Variants in ERP44 observed in about 807,000 individuals in gnomAD.
The protein encoded by ERP44 is endoplasmic reticulum protein 44, also known as endoplasmic reticulum resident protein 44.
In ERP44, 25 loss-of-function variants were observed where a neutral mutation model predicts 53.4. The observed-to-expected ratio is 0.47, with a 90% CI of 0.34 to 0.65. ERP44 has a LOEUF of 0.65. ERP44 is among the 30% of genes least tolerant of loss of function. The probability of loss-of-function intolerance (pLI) is 0.01; values close to 1 mark genes in which losing one functional copy is unlikely to be tolerated. For missense variants in ERP44, 338 were observed against 493.2 expected (o/e 0.69, Z 2.98); for synonymous variants, 145 against 161.2 (o/e 0.90, Z 0.76).
Position 100,098,962 on chromosome 9 carries a change from G to T in ERP44, c.-122C>A. 1 of 747,152 alleles carries T rather than the reference G, an allele frequency of 1.3e-6. No homozygotes were observed. Among genetic ancestry groups the T allele is most frequent in the East Asian group, 2.7e-5 (1 of 36,692 alleles). The allele number at this position is 747,152 out of a possible 1,614,324, so 46.3% of individuals were successfully genotyped here. A position where few individuals can be genotyped will look rare whatever the true frequency, so the allele number is the denominator to read the frequency against. On this transcript the variant is annotated 5_prime_UTR_variant, in exon 1 of 12. Coordinates refer to ENST00000262455, the MANE Select transcript of ERP44 (RefSeq NM_015051.3). ...GCAGCGGAGGATTCTCCAGGCAGCG[G>T]CACCTCGTCCTCTCGACCCGGGCTC...
chr9:100,010,527 A>C (rs1830464851), intron 8 of ERP44, among the ~76,000 whole-genome samples: 2 of 152,214 alleles, frequency 1.3e-5, no homozygotes, highest in Non-Finnish European at 2.9e-5. Context: ...TGGGCCTCTG[A>C]GGACTAAATG....
chr9:100,042,443 T>C (rs1394073504), intron 4 of ERP44, among the ~76,000 whole-genome samples: 1 of 152,158 alleles, frequency 6.6e-6, no homozygotes, highest in African/African-American at 2.4e-5. Flanking sequence ...AAGAGAACCC[T>C]CTTGCACTGT....
intron 10 of ERP44, among the ~76,000 whole-genome samples, chr9:99,995,451 T>C (rs1021347781): frequency 1.3e-5 from 2 of 152,212 alleles, no homozygotes; most frequent in African/African-American, 4.8e-5. Flanking sequence ...TCATTAGATA[T>C]GACATTAGCT....
At chr9:100,068,703 C>T (rs1462816976) in intron 1 of ERP44, among the ~76,000 whole-genome samples, 2 of 148,438 alleles carry the variant, frequency 1.3e-5, no homozygotes, top group Admixed American at 1.3e-4. Context: ...CCGCCCCGTC[C>T]GGGAGGTGAG....
intron 4 of ERP44, among the ~76,000 whole-genome samples, chr9:100,023,819 C>A (rs996215012): frequency 6.6e-6 from 1 of 152,122 alleles, no homozygotes; most frequent in African/African-American, 2.4e-5. Flanking sequence ...ATGGCCTACA[C>A]TACAGTGTTG....
chr9:100,018,381 G>C (rs1219966618), intron 6 of ERP44, 68 bp from the exon 7 acceptor site: 5 of 879,548 alleles, frequency 5.7e-6, no homozygotes, highest in Non-Finnish European at 9.8e-6. Context: ...TTACAGACTT[G>C]AAATATATAC....
intron 1 of ERP44, among the ~76,000 whole-genome samples, chr9:100,086,720 G>A (rs760812374): frequency 3.3e-5 from 5 of 152,134 alleles, no homozygotes; most frequent in Non-Finnish European, 5.9e-5. Flanking sequence ...GAATGAAGCA[G>A]GTCTTTCCAG....
At chr9:100,023,743 C>T (rs1227475174) in intron 4 of ERP44, among the ~76,000 whole-genome samples, 2 of 151,880 alleles carry the variant, frequency 1.3e-5, no homozygotes, top group Admixed American at 6.6e-5. Context: ...CTGTGCCTAG[C>T]CATAAAATGA....
intron 1 of ERP44, among the ~76,000 whole-genome samples, chr9:100,098,328 G>C (rs1435079722): frequency 2.0e-5 from 3 of 152,122 alleles, no homozygotes; most frequent in South Asian, 4.1e-4. Flanking sequence ...CACAACAGAG[G>C]GATCTGCCAA....
rs117032352 is a variant in ERP44, at chr9:100,088,490, C to T, written c.57+10294G>A. Among the ~76,000 whole-genome samples the T allele has an allele frequency of 4.3e-3, 656 of 152,314 alleles. 6 individuals carry two copies. The highest frequency in any genetic ancestry group is 7.8e-3 in the Non-Finnish European group (528 of 68,020). Reference sequence around the variant, plus strand: ...GTGATGCTTACAAACTACAACTCCCCTAATACACTCCTGATCCTTCTCACG... The same window carrying T: ...GTGATGCTTACAAACTACAACTCCCTTAATACACTCCTGATCCTTCTCACG... On this transcript the variant is annotated intron_variant, in intron 1 of 11. Coordinates refer to ENST00000262455, the MANE Select transcript of ERP44 (RefSeq NM_015051.3).
At chr9:100,047,410 A>C (rs1203690805) in intron 4 of ERP44, among the ~76,000 whole-genome samples, 2 of 152,346 alleles carry the variant, frequency 1.3e-5, no homozygotes, top group South Asian at 2.1e-4. Context: ...ATAACCCCTC[A>C]AATATATAGT....
At chr9:100,068,311 T>C (rs1386712743) in intron 1 of ERP44, among the ~76,000 whole-genome samples, 278 of 84,848 alleles carry the variant, frequency 3.3e-3, no homozygotes, top group Middle Eastern at 0.026. Context: ...CCCGGCCAGC[T>C]GCCCCGTCCG....
At chr9:100,086,678 C>T (rs1826487637) in intron 1 of ERP44, among the ~76,000 whole-genome samples, 1 of 152,162 alleles carries the variant, frequency 6.6e-6, no homozygotes, top group South Asian at 2.1e-4. Flanking sequence ...AATTTGCCTA[C>T]TATCACAACA....
chr9:100,010,661 G>A (rs1830465883), intron 8 of ERP44, among the ~76,000 whole-genome samples: 1 of 152,094 alleles, frequency 6.6e-6, no homozygotes, highest in African/African-American at 2.4e-5. Flanking sequence ...CAGCACTTTG[G>A]GAGTCTGAGG....
At chr9:100,010,133 A>T (rs1830459232) in intron 8 of ERP44, among the ~76,000 whole-genome samples, 2 of 152,208 alleles carry the variant, frequency 1.3e-5, no homozygotes, top group Non-Finnish European at 2.9e-5. Flanking sequence ...CAATCAACAT[A>T]TATCAATAAA....
intron 11 of ERP44, among the ~76,000 whole-genome samples, chr9:99,983,919 C>CT (rs1830173498): frequency 1.3e-5 from 2 of 152,130 alleles, no homozygotes; most frequent in African/African-American, 4.8e-5. Context: ...AGTTCACTGT[C>CT]TAATGAGGAA....
chr9:100,072,948 A>T (rs1826321592), intron 1 of ERP44, among the ~76,000 whole-genome samples: 1 of 152,228 alleles, frequency 6.6e-6, no homozygotes, highest in South Asian at 2.1e-4. Flanking sequence ...TGTATTAATT[A>T]AAATAATGAG....
chr9:100,042,280 T>C (rs1003511880), intron 4 of ERP44, among the ~76,000 whole-genome samples: 3 of 152,058 alleles, frequency 2.0e-5, no homozygotes, highest in Admixed American at 6.6e-5. Flanking sequence ...AATGAAAACA[T>C]ACAAATGGGA....
At chr9:100,098,657 G>A (rs951112161) in intron 1 of ERP44, 127 bp downstream of exon 1, 10 of 722,176 alleles carry the variant, frequency 1.4e-5, no homozygotes, top group Non-Finnish European at 2.3e-5. Flanking sequence ...GGCAGCGGGG[G>A]AGGGTGCACT....
Sources: gnomAD v4.1 joint callset for allele counts (sites outside exome capture counted in the v4.1 genomes callset) on GRCh38, gnomAD v4.1.1 for gene constraint, MANE v1.5 for transcripts, NCBI Gene and HGNC (gene_info 2026-07-23, HGNC 2026-07-21) for gene names.